USP34: variants seen among roughly 807,000 people sequenced by gnomAD.
USP34 encodes the protein ubiquitin specific peptidase 34.
USP34 carries 70 observed loss-of-function variants against 460.3 expected under a neutral mutation model. The ratio of observed to expected loss-of-function variants is 0.15; its 90% CI spans 0.13 to 0.19. The LOEUF (loss-of-function observed/expected upper bound fraction) is 0.19, where lower values mean the gene tolerates loss of function less well. Ranked by LOEUF, USP34 falls within the 10% of genes least tolerant of loss-of-function variation. USP34 has a pLI of 1.00. For synonymous variants in USP34, 1,647 were observed against 1,405.3 expected, an observed-to-expected ratio of 1.17 and a Z score of -3.85; for missense variants, 3,985 against 4,236.2, an observed-to-expected ratio of 0.94 and a Z score of 1.65.
chr2:61,282,023 T>C (rs1020533274), intron 37 of USP34, among the ~76,000 whole-genome samples: 1 of 152,208 alleles, frequency 6.6e-6, no homozygotes, highest in Non-Finnish European at 1.5e-5. Flanking sequence ...AGAGTCTTGC[T>C]CTGTCTTCCA....
intron 75 of USP34, among the ~76,000 whole-genome samples, chr2:61,199,541 C>A (rs1207353615): frequency 2.6e-5 from 4 of 152,230 alleles, no homozygotes; most frequent in Non-Finnish European, 4.4e-5. Flanking sequence ...TAGGCGCAAG[C>A]CACTGTGCCC....
intron 43 of USP34, 162 bp downstream of exon 43, chr2:61,265,235 T>C (rs1689013178): frequency 1.3e-6 from 1 of 754,954 alleles, no homozygotes. Flanking sequence ...TCTACTAAAA[T>C]GTATAACTAT....
intron 1 of USP34, among the ~76,000 whole-genome samples, chr2:61,447,282 A>AC (rs1695149039): frequency 7.3e-6 from 1 of 136,558 alleles, no homozygotes; most frequent in African/African-American, 2.8e-5. Context: ...AAAAAAAAAA[A>AC]CCAGAAAACA....
At chr2:61,280,438 A>G (rs1012615309) in intron 38 of USP34, 90 bp from the exon 39 acceptor site, 1 of 595,356 alleles carries the variant, frequency 1.7e-6, no homozygotes, top group African/African-American at 1.9e-5. Context: ...TATGAAATAA[A>G]TTCCTATATC....
chr2:61,470,788 C>G lies in USP34; in HGVS notation c.-96G>C. On this transcript the variant is annotated 5_prime_UTR_variant, in exon 1 of 80. Coordinates refer to ENST00000398571, the MANE Select transcript of USP34 (RefSeq NM_014709.4). ...GGAGAGAGGCGGAGGAGGGGGCCGG[C>G]CGGCCGGCGGGGCGGGGAGGCGACT... 9.4e-7 allele frequency: 1 copy of G among 1,063,794 alleles called. No homozygotes were observed. The highest frequency in any genetic ancestry group is 1.3e-6 in the Non-Finnish European group (1 of 745,014). The allele number at this position is 1,063,794 out of a possible 1,614,324, so 65.9% of individuals were successfully genotyped here.
intron 57 of USP34, among the ~76,000 whole-genome samples, chr2:61,232,985 G>A (rs1182489069): frequency 6.8e-6 from 1 of 147,410 alleles, no homozygotes; most frequent in Admixed American, 6.9e-5. Flanking sequence ...TTCTCCTCCC[G>A]AGTAGCTGGG....
In USP34 at chr2:61,383,280, G is replaced by C. The variant is rs371854430; in HGVS notation, c.810C>G (p.Thr270=). 6.3e-7 allele frequency: 1 copy of C among 1,598,370 alleles called. No homozygotes were observed. Among genetic ancestry groups the C allele is most frequent in the Non-Finnish European group, 8.5e-7 (1 of 1,171,956 alleles). Residue 270 remains threonine (T), a synonymous_variant, in exon 6 of 80, where the codon ACC becomes ACG. Transcript: ENST00000398571. ...TTTTATAAACTTACCTAATAACATAGGTCCTAAAAGGTATAATGTGCTGCA... is the reference window on the plus strand; with the variant it reads ...TTTTATAAACTTACCTAATAACATACGTCCTAAAAGGTATAATGTGCTGCA... The part of the protein sequence containing the change: ...AVMQHIIPFR[T]YVIRYLCKLS...
intron 39 of USP34, among the ~76,000 whole-genome samples, chr2:61,280,014 G>T (rs1229584711): frequency 6.6e-6 from 1 of 152,162 alleles, no homozygotes; most frequent in Non-Finnish European, 1.5e-5. Flanking sequence ...AGAAGAGACA[G>T]GAAATTATGG....
chr2:61,455,878 A>C (rs763250760), intron 1 of USP34, among the ~76,000 whole-genome samples: 34 of 152,194 alleles, frequency 2.2e-4, no homozygotes, highest in Non-Finnish European at 4.7e-4. Flanking sequence ...AATAAGAAAC[A>C]AGGCATTAAG....
At chr2:61,298,319 A>G (rs1167574719) in intron 29 of USP34, among the ~76,000 whole-genome samples, 1 of 145,392 alleles carries the variant, frequency 6.9e-6, no homozygotes, top group African/African-American at 2.5e-5. Context: ...CAGGAGATCA[A>G]GACCATGCTG....
At chr2:61,350,132 A>G in intron 12 of USP34, 128 bp downstream of exon 12, 1 of 978,296 alleles carries the variant, frequency 1.0e-6, no homozygotes, top group Non-Finnish European at 1.4e-6. Context: ...ATCCTTTTAT[A>G]TGCACTCTTC....
intron 70 of USP34, chr2:61,208,458 C>G (rs1687182656): frequency 6.6e-6 from 1 of 152,306 alleles, no homozygotes; most frequent in Admixed American, 6.5e-5. Context: ...GAGGCTGTGT[C>G]ACGGGCGCGT....
chr2:61,329,682 A>G (rs1691203546), intron 20 of USP34, among the ~76,000 whole-genome samples: 1 of 152,156 alleles, frequency 6.6e-6, no homozygotes, highest in Non-Finnish European at 1.5e-5. Flanking sequence ...TGGTTAAGAG[A>G]CAGAATTCTT....
chr2:61,412,686 C>G (rs577452346), intron 2 of USP34, among the ~76,000 whole-genome samples: 1 of 151,748 alleles, frequency 6.6e-6, no homozygotes, highest in African/African-American at 2.4e-5. Context: ...CCCAGGAGTT[C>G]AAGACCAACC....
intron 1 of USP34, among the ~76,000 whole-genome samples, chr2:61,432,931 A>G (rs1694718738): frequency 6.6e-6 from 1 of 152,232 alleles, no homozygotes; most frequent in African/African-American, 2.4e-5. Flanking sequence ...ACAATAAAAC[A>G]GAAGATTAAG....
intron 23 of USP34, among the ~76,000 whole-genome samples, chr2:61,317,108 CAAA>C (rs1690773479): frequency 6.6e-6 from 1 of 152,158 alleles, no homozygotes; most frequent in African/African-American, 2.4e-5. Context: ...CTAGGAGACT[CAAA>C]GAACACTGAC....
chr2:61,356,513 T>A (rs987850501), intron 10 of USP34, among the ~76,000 whole-genome samples: 6 of 149,256 alleles, frequency 4.0e-5, no homozygotes, highest in South Asian at 2.1e-4. Context: ...ACACACACAC[T>A]GCAATACTAT....
intron 1 of USP34, among the ~76,000 whole-genome samples, chr2:61,437,816 A>AATAAATAG (rs1399973404): frequency 6.6e-6 from 1 of 150,822 alleles, no homozygotes; most frequent in Non-Finnish European, 1.5e-5. Context: ...TAAATAAATA[A>AATAAATAG]AAAACCTGAA....
At chr2:61,442,663 C>A (rs940495093) in intron 1 of USP34, among the ~76,000 whole-genome samples, 9 of 152,088 alleles carry the variant, frequency 5.9e-5, no homozygotes, top group Non-Finnish European at 1.2e-4. Flanking sequence ...TTAGTGGGAA[C>A]GTAAACTAGC....
Sources: gnomAD v4.1 joint callset for allele counts (sites outside exome capture counted in the v4.1 genomes callset) on GRCh38, gnomAD v4.1.1 for gene constraint, MANE v1.5 for transcripts, NCBI Gene and HGNC (gene_info 2026-07-23, HGNC 2026-07-21) for gene names.